ZNF91: variants seen among roughly 807,000 people sequenced by gnomAD.
ZNF91 encodes the protein zinc finger protein 91 (HPF7, HTF10).
A neutral mutation model predicts 12.6 loss-of-function variants in ZNF91; 7 were observed. The observed-to-expected ratio is 0.55, with a 90% confidence interval of 0.31 to 1.04. The LOEUF (loss-of-function observed/expected upper bound fraction) is 1.04. Among genes scored for constraint, ZNF91 ranks in the 50% least tolerant of loss-of-function variants. The pLI, the probability that ZNF91 is intolerant of heterozygous loss-of-function variation, is 0.05. For missense variants in ZNF91, 1,217 were observed against 1,385.4 expected (o/e 0.88, Z 1.93); for synonymous variants, 453 against 462.6 (o/e 0.98, Z 0.27).
At chr19:23,373,364 AT>A (rs1168601644) in intron 3 of ZNF91, among the ~76,000 whole-genome samples, 13 of 126,712 alleles carry the variant, frequency 1.0e-4, no homozygotes, top group Admixed American at 3.9e-4. Context: ...ATATATATAT[AT>A]ATATATATAT....
chr19:23,322,107 C>T (rs1326780600), intron 1 of ZNF91, among the ~76,000 whole-genome samples: 1 of 152,166 alleles, frequency 6.6e-6, no homozygotes, highest in East Asian at 1.9e-4. Flanking sequence ...TCTCATGCAT[C>T]GTCCCTGCCC....
rs1383645886 is a variant in ZNF91 at position 23,360,061 on chromosome 19, T to C, written c.2918A>G (p.Lys973Arg). The C allele has an allele frequency of 6.2e-7, 1 of 1,613,360 alleles. No homozygotes were observed. Among genetic ancestry groups the C allele is most frequent in the Non-Finnish European group, 8.5e-7 (1 of 1,180,016 alleles). ...AAGAGTTGAAGATTTCCTAAAAGCT[T>C]TGCCACATTCTTCACATTTGTAGGG... Reference protein sequence around the residue: ...EKPYKCEECGKAFRKSSTLTE... With the variant: ...EKPYKCEECGRAFRKSSTLTE... The change falls in exon 4 of 4, where the codon AAA (lysine) becomes AGA (arginine). Residue 973 changes from lysine (K) to arginine (R), a missense_variant. Coordinates refer to ENST00000300619, the MANE Select transcript of ZNF91 (RefSeq NM_003430.4).
At chr19:23,385,047 C>T in intron 1 of ZNF91, 1 of 1,185,082 alleles carries the variant, frequency 8.4e-7, no homozygotes. Flanking sequence ...CCTCATGGGG[C>T]TCCAGCGGTT....
At chr19:23,372,332 T>G (rs1031672611) in intron 3 of ZNF91, among the ~76,000 whole-genome samples, 1 of 152,172 alleles carries the variant, frequency 6.6e-6, no homozygotes, top group Non-Finnish European at 1.5e-5. Flanking sequence ...GGTTCACACC[T>G]GTAATGACAG....
chr19:23,386,902 T>A (rs1969891358), intron 1 of ZNF91, among the ~76,000 whole-genome samples: 1 of 152,184 alleles, frequency 6.6e-6, no homozygotes, highest in Non-Finnish European at 1.5e-5. Flanking sequence ...ATTTGCAAAC[T>A]ATGCTTCTGA....
intron 1 of ZNF91, among the ~76,000 whole-genome samples, chr19:23,382,189 T>G (rs966791908): frequency 6.6e-6 from 1 of 152,186 alleles, no homozygotes; most frequent in African/African-American, 2.4e-5. Flanking sequence ...TTTTCTTACT[T>G]TTATGTAGAC....
chr19:23,375,659 C>T (rs910776712), intron 1 of ZNF91, among the ~76,000 whole-genome samples: 12 of 151,646 alleles, frequency 7.9e-5, no homozygotes, highest in Admixed American at 6.6e-4. Flanking sequence ...TTTTTCTGGC[C>T]TGTAAACAAA....
intron 2 of ZNF91, 133 bp downstream of exon 2, chr19:23,374,505 A>T (rs1474128051): frequency 1.1e-6 from 1 of 942,226 alleles, no homozygotes; most frequent in Non-Finnish European, 1.5e-6. Flanking sequence ...GCTTGCAATG[A>T]GCCAAGATCT....
chr19:23,334,888 C>A (rs1398947290), downstream of ZNF91, among the ~76,000 whole-genome samples: 2 of 152,058 alleles, frequency 1.3e-5, no homozygotes, highest in Non-Finnish European at 2.9e-5. Context: ...TATATAAAAC[C>A]AAGTTACCTA....
Position 23,359,475 on chromosome 19 carries a change from G to A in ZNF91, c.3504C>T (p.Ala1168=), listed in dbSNP as rs771547237. The change falls in exon 4 of 4, where the codon GCC becomes GCT. Residue 1168 remains alanine, a synonymous_variant. Coordinates refer to ENST00000300619, the MANE Select transcript of ZNF91 (RefSeq NM_003430.4). ...CCTGACCTCGTGATCCGCCCGCCTC[G>A]GCCTCCCAAAGTAGTGGGATTACAG... is the stretch of plus-strand genomic sequence containing the variant. ...ITPVIPLLWE[A]EAGGSRGQEM... The A allele has an allele frequency of 1.6e-5, 25 of 1,599,482 alleles. No homozygotes were observed. Among genetic ancestry groups the A allele is most frequent in the Admixed American group, 3.3e-5 (2 of 59,748 alleles).
At chr19:23,331,568 T>TA (rs1362464639) in intron 1 of ZNF91, among the ~76,000 whole-genome samples, 4 of 152,180 alleles carry the variant, frequency 2.6e-5, no homozygotes, top group Non-Finnish European at 5.9e-5. Context: ...CTTGTGACAG[T>TA]AAGTGCTGAA....
chr19:23,312,784 C>T (rs1967492363), upstream of ZNF91, among the ~76,000 whole-genome samples: 1 of 152,202 alleles, frequency 6.6e-6, no homozygotes, highest in Non-Finnish European at 1.5e-5. Flanking sequence ...TTGAGAATCT[C>T]ATGCATCAGG....
downstream of ZNF91, among the ~76,000 whole-genome samples, chr19:23,353,091 T>C (rs61223471): frequency 2.0e-5 from 3 of 152,262 alleles, no homozygotes; most frequent in East Asian, 1.9e-4. Flanking sequence ...ATTTAAACTA[T>C]ACCCTGGAAC....
rs757009830 is a variant in ZNF91, at chr19:23,360,216, C to G, written c.2763G>C (p.Gln921His). Reference protein sequence around the residue: ...KCEECGKAFSQPSHLTTHKRM... With the variant: ...KCEECGKAFSHPSHLTTHKRM... ...TCTTATGTGTAGTAAGGTGTGAAGG[C>G]TGGCTAAATGCTTTGCCACATTCTT... Residue 921 changes from glutamine (Q) to histidine (H), a missense_variant, in exon 4 of 4, where the codon CAG becomes CAC. Around this residue, in one of 2 missense-constraint regions of ZNF91, gnomAD observed 491 missense variants for 489.8 expected, o/e 1.00. Coordinates refer to ENST00000300619, the MANE Select transcript of ZNF91 (RefSeq NM_003430.4). 8.7e-6 allele frequency: 14 copies of G among 1,604,582 alleles called. No homozygotes were observed. The highest frequency in any genetic ancestry group is 1.2e-5 in the Non-Finnish European group (14 of 1,177,032).
chr19:23,388,845 G>A (rs1051653042), intron 1 of ZNF91, among the ~76,000 whole-genome samples: 1 of 135,844 alleles, frequency 7.4e-6, no homozygotes, highest in African/African-American at 3.0e-5. Flanking sequence ...TTGCACTCCA[G>A]CCTGGTGACA....
rs1969991594 is a variant in ZNF91, at chr19:23,389,479, T to C, written c.30+5846A>G. Among the ~76,000 whole-genome samples, 4 of 149,682 alleles carry C rather than the reference T, an allele frequency of 2.7e-5. No homozygotes were observed. In the South Asian group the frequency reaches 8.5e-4, roughly 32 times the overall value. On this transcript the variant is annotated intron_variant, in intron 1 of 3. Coordinates refer to ENST00000300619, the MANE Select transcript of ZNF91 (RefSeq NM_003430.4). ...GTGTGGTTCCCTGTCCTGGGAGAGG[T>C]GTGGACACATTAATGTCTAGTGGGT... is the stretch of plus-strand genomic sequence containing the variant.
chr19:23,388,346 T>C (rs982668031), intron 1 of ZNF91, among the ~76,000 whole-genome samples: 1 of 152,156 alleles, frequency 6.6e-6, no homozygotes. Context: ...CCAAAAACAT[T>C]GTTTTTGTAT....
At chr19:23,356,840 T>C (rs1307726291), downstream of ZNF91, among the ~76,000 whole-genome samples, 1 of 152,184 alleles carries the variant, frequency 6.6e-6, no homozygotes, top group Non-Finnish European at 1.5e-5. Flanking sequence ...ATGCCTGTAA[T>C]CCCAGCACTT....
rs1261521416 is a variant in ZNF91 at position 23,360,177 on chromosome 19, T to G, written c.2802A>C (p.Gly934=). ...ATTCTTCACATTTGTAGGGTTTCTC[T>G]CCAGTGTGCATCCTCTTATGTGTAG... ...HLTTHKRMHT[G]EKPYKCEECG... The change falls in exon 4 of 4, where the codon GGA becomes GGC. Residue 934 remains glycine, a synonymous_variant. Transcript: ENST00000300619. 6.2e-7 allele frequency: 1 copy of G among 1,613,976 alleles called. No homozygotes were observed. The highest frequency in any genetic ancestry group is 1.7e-5 in the Admixed American group (1 of 60,020).
Sources: allele counts gnomAD v4.1 joint callset (sites outside exome capture counted in the v4.1 genomes callset), GRCh38; gene constraint gnomAD v4.1.1; regional missense constraint gnomAD v4.1.1; transcripts MANE v1.5; gene names NCBI Gene and HGNC (gene_info 2026-07-23, HGNC 2026-07-21).